The following STX5 variants were observed in gnomAD, a reference collection of about 807,000 sequenced individuals.
STX5 encodes the protein syntaxin 5.
In STX5, 15 loss-of-function variants were observed where a neutral mutation model predicts 42.9. The observed-to-expected ratio is 0.35, with a 90% CI of 0.23 to 0.54. The LOEUF is 0.54. Among genes scored for constraint, STX5 ranks in the 20% least tolerant of loss-of-function variants. STX5 has a pLI of 0.91. For missense variants in STX5, 430 were observed against 455.0 expected (o/e 0.95, Z 0.50); for synonymous variants, 184 against 173.2 (o/e 1.06, Z -0.49).
At chr11:62,826,686 C>T (rs11231239) in intron 5 of STX5, among the ~76,000 whole-genome samples, 25,413 of 151,564 alleles carry the variant, frequency 0.17, 2,704 homozygotes, top group Non-Finnish European at 0.24. Context: ...GTCAGGAGTT[C>T]GAGACCAGCC....
chr11:62,815,108 A>G (rs1472010857), intron 10 of STX5, among the ~76,000 whole-genome samples: 1 of 151,792 alleles, frequency 6.6e-6, no homozygotes, highest in Non-Finnish European at 1.5e-5. Flanking sequence ...CCCAGGTTCA[A>G]GCGATTCTCC....
chr11:62,808,793 G>A (rs1291173906), intron 10 of STX5, among the ~76,000 whole-genome samples: 1 of 151,852 alleles, frequency 6.6e-6, no homozygotes, highest in Non-Finnish European at 1.5e-5. Context: ...AGCAATAAAA[G>A]GGATAACCTC....
intron 10 of STX5, among the ~76,000 whole-genome samples, chr11:62,815,143 G>A (rs1391297606): frequency 1.3e-5 from 2 of 151,762 alleles, no homozygotes; most frequent in African/African-American, 4.8e-5. Flanking sequence ...GAGTAGCTGG[G>A]ACTACAGGCA....
chr11:62,825,552 T>C lies in STX5; in HGVS notation c.424-13A>G. ...GGCTATTGATGTCCTGGTAAAAGAGTCCAAGGAAAAACAAAGTATTAGCCA... is the reference window on the plus strand; with the variant it reads ...GGCTATTGATGTCCTGGTAAAAGAGCCCAAGGAAAAACAAAGTATTAGCCA... On this transcript the variant is annotated splice_polypyrimidine_tract_variant and intron_variant, in intron 5 of 10. Coordinates refer to ENST00000294179, the MANE Select transcript of STX5 (RefSeq NM_003164.5). The C allele has an allele frequency of 1.2e-6, 2 of 1,611,700 alleles. No homozygotes were observed. Among genetic ancestry groups the C allele is most frequent in the South Asian group, 2.2e-5 (2 of 90,950 alleles).
At chr11:62,827,875 T>G (rs559481096) in intron 2 of STX5, among the ~76,000 whole-genome samples, 1 of 152,052 alleles carries the variant, frequency 6.6e-6, no homozygotes, top group Non-Finnish European at 1.5e-5. Context: ...ACATTCTAAA[T>G]CTCTACTTTC....
At chr11:62,818,484 T>A (rs2084700145) in intron 10 of STX5, among the ~76,000 whole-genome samples, 1 of 147,230 alleles carries the variant, frequency 6.8e-6, no homozygotes, top group African/African-American at 2.6e-5. Context: ...ATCACTTGAA[T>A]CCAGGAAGTG....
At chr11:62,831,848 T>C (rs947637502) in intron 1 of STX5, 106 bp downstream of exon 1, 3 of 453,860 alleles carry the variant, frequency 6.6e-6, no homozygotes, top group Admixed American at 2.4e-5. Flanking sequence ...CGGCAGGACT[T>C]GCCCGCTCGC....
In STX5 at chr11:62,824,414, AG is replaced by A. The variant is rs769128377; in HGVS notation, c.786+44del. On this transcript the variant is annotated intron_variant, in intron 9 of 10. Coordinates refer to ENST00000294179, the MANE Select transcript of STX5 (RefSeq NM_003164.5). The stretch of plus-strand genomic sequence containing the variant: ...CCAAACACTCTCTCGGGAACCACAG[AG>A]GATAATGGAGAAGCTGATTCTACCT... 6.4e-5 allele frequency: 103 copies of A among 1,613,472 alleles called. No homozygotes were observed. In the East Asian group the frequency reaches 2.3e-3, roughly 35 times the overall value.
intron 2 of STX5, chr11:62,830,634 T>C (rs2084846174): frequency 6.5e-6 from 3 of 464,796 alleles, no homozygotes; most frequent in Admixed American, 2.6e-5. Flanking sequence ...CTAGATTAAC[T>C]AATTTTCTCA....
chr11:62,820,829 C>T lies in STX5; in HGVS notation c.908+3337G>A, dbSNP rs1220808638. On this transcript the variant is annotated intron_variant, in intron 10 of 10. Transcript: ENST00000294179. ...CCGGCACTATTTTCTATTTTTCGTT[C>T]CTCTGTTTATCCTCTCTTGTCCTTC... Among the ~76,000 whole-genome samples the T allele has an allele frequency of 6.6e-5, 10 of 151,912 alleles. No individual in the cohort carries two copies. In the East Asian group the frequency reaches 1.8e-3, roughly 27 times the overall value.
chr11:62,825,550 A>G lies in STX5; in HGVS notation c.424-11T>C. On this transcript the variant is annotated splice_polypyrimidine_tract_variant and intron_variant, in intron 5 of 10. Coordinates refer to ENST00000294179, the MANE Select transcript of STX5 (RefSeq NM_003164.5). ...GAGGCTATTGATGTCCTGGTAAAAGAGTCCAAGGAAAAACAAAGTATTAGC... is the reference window on the plus strand; with the variant it reads ...GAGGCTATTGATGTCCTGGTAAAAGGGTCCAAGGAAAAACAAAGTATTAGC... 6.2e-7 allele frequency: 1 copy of G among 1,612,276 alleles called. No individual in the cohort carries two copies. Among genetic ancestry groups the G allele is most frequent in the Non-Finnish European group, 8.5e-7 (1 of 1,179,238 alleles).
At chr11:62,813,255 C>T (rs2084638072) in intron 10 of STX5, among the ~76,000 whole-genome samples, 1 of 152,124 alleles carries the variant, frequency 6.6e-6, no homozygotes, top group Admixed American at 6.6e-5. Context: ...GCCTGGGTGA[C>T]AGAGTGAGAC....
rs577577474 is a variant in STX5 at position 62,826,795 on chromosome 11, G to A, written c.423+360C>T. 2.3e-4 allele frequency among the ~76,000 whole-genome samples: 34 copies of A among 149,100 alleles called. 1 individual carries two copies. In the South Asian group the frequency reaches 6.6e-3, roughly 29 times the overall value. On this transcript the variant is annotated intron_variant, in intron 5 of 10. Transcript: ENST00000294179. ...CTGGGGAGGCTGAGGCAGGAGAATC[G>A]CTTGCACCTGGGAGGTGGAGGTTGC...
chr11:62,828,255 C>T (rs1218452128), intron 2 of STX5, among the ~76,000 whole-genome samples: 1 of 151,910 alleles, frequency 6.6e-6, no homozygotes, highest in Non-Finnish European at 1.5e-5. Context: ...GCTGGGACTA[C>T]AGGGCACACC....
At position 62,824,453 on chromosome 11, in the gene STX5, G is replaced by C. The variant is rs756722859; in HGVS notation, c.786+6C>G. Reference sequence around the variant, plus strand: ...GCTGATTCTACCTAGTTCAGAGCCTGGGTACCTGCTCGTCAATGAGCTGCA... The same window carrying C: ...GCTGATTCTACCTAGTTCAGAGCCTCGGTACCTGCTCGTCAATGAGCTGCA... On this transcript the variant is annotated splice_donor_region_variant and intron_variant, in intron 9 of 10. Transcript: ENST00000294179. The C allele has an allele frequency of 6.2e-7, 1 of 1,614,080 alleles. No homozygotes were observed.
At position 62,817,183 on chromosome 11, in the gene STX5, C is replaced by T. The variant is rs190108090; in HGVS notation, c.908+6983G>A. ...CCTCAAGTGATCCACCTGCCTCAGC[C>T]TCCCAAAGTGCTAGGATTACAGGCA... On this transcript the variant is annotated intron_variant, in intron 10 of 10. Transcript: ENST00000294179. 4.9e-4 allele frequency among the ~76,000 whole-genome samples: 74 copies of T among 152,166 alleles called. 2 individuals carry two copies. The East Asian group carries it at 0.013, about 27-fold the overall frequency.
chr11:62,824,416 G>A (rs766721864), intron 9 of STX5, 43 bp downstream of exon 9: 5 of 1,613,420 alleles, frequency 3.1e-6, no homozygotes, highest in East Asian at 4.5e-5. Flanking sequence ...AACCACAGAG[G>A]ATAATGGAGA....
chr11:62,831,318 C>T (rs2134866531), intron 1 of STX5, 56 bp from the exon 2 acceptor site: 1 of 1,246,056 alleles, frequency 8.0e-7, no homozygotes, highest in East Asian at 2.5e-5. Flanking sequence ...CAAACTCCCC[C>T]GCCCCACCCC....
chr11:62,807,306 A>G lies in STX5; in HGVS notation c.*163T>C, dbSNP rs1421297428. On this transcript the variant is annotated 3_prime_UTR_variant, in exon 11 of 11. Transcript: ENST00000294179. ...GTGGTGGGGGGAGGACAGGGTGGCC[A>G]GAGGCAAGGGGTGGGGGATCAGGGG... 27 of 1,145,664 alleles carry G rather than the reference A, an allele frequency of 2.4e-5. No individual in the cohort carries two copies. The highest frequency in any genetic ancestry group is 3.0e-5 in the Non-Finnish European group (25 of 836,232). 71.0% of individuals were successfully genotyped at this position (1,145,664 alleles called of 1,614,324 possible).
Sources: allele counts gnomAD v4.1 joint callset (sites outside exome capture counted in the v4.1 genomes callset), GRCh38; gene constraint gnomAD v4.1.1; transcripts MANE v1.5; gene names NCBI Gene and HGNC (gene_info 2026-07-23, HGNC 2026-07-21).